Variants in GNAQ observed in about 807,000 individuals in gnomAD.
GNAQ encodes G protein subunit alpha q, also known as guanine nucleotide-binding protein G(q) subunit alpha.
Under a neutral mutation model 43.9 loss-of-function variants are expected in GNAQ, and 8 were observed. The ratio of observed to expected loss-of-function variants is 0.18; its 90% CI spans 0.11 to 0.33. GNAQ has a LOEUF of 0.33. Among genes scored for constraint, GNAQ ranks in the 10% least tolerant of loss-of-function variants. The pLI is 1.00. For synonymous variants in GNAQ, 155 were observed against 170.7 expected (o/e 0.91, Z 0.71); for missense variants, 158 against 450.8 (o/e 0.35, Z 5.88).
At chr9:77,916,902 C>T (rs1433966670) in intron 2 of GNAQ, among the ~76,000 whole-genome samples, 4 of 152,116 alleles carry the variant, frequency 2.6e-5, no homozygotes, top group Non-Finnish European at 4.4e-5. Context: ...GCAAAGAGAG[C>T]AATGGCCTAT....
chr9:77,863,208 AAGGAAGGAAGGG>A (rs1452022059), intron 2 of GNAQ, among the ~76,000 whole-genome samples: 68 of 150,184 alleles, frequency 4.5e-4, no homozygotes, highest in South Asian at 3.2e-3. Context: ...GGAAGGAAGG[AAGGAAGGAAGGG>A]AGGAAGGAAG....
intron 2 of GNAQ, among the ~76,000 whole-genome samples, chr9:77,842,209 C>G (rs1402766431): frequency 5.9e-5 from 9 of 152,142 alleles, no homozygotes; most frequent in African/African-American, 2.2e-4. Flanking sequence ...CTAACCCTAG[C>G]TATTATTAGG....
chr9:77,887,552 G>C (rs927805873), intron 2 of GNAQ, among the ~76,000 whole-genome samples: 6 of 152,174 alleles, frequency 3.9e-5, no homozygotes, highest in African/African-American at 1.2e-4. Context: ...TTGTGTCCAT[G>C]GACATAGGTA....
At chr9:77,916,638 C>T (rs1038696889) in intron 2 of GNAQ, among the ~76,000 whole-genome samples, 3 of 152,038 alleles carry the variant, frequency 2.0e-5, no homozygotes, top group South Asian at 2.1e-4. Context: ...CCATGCTAGG[C>T]GAAAGGGAAA....
At chr9:77,970,292 C>T (rs1479674879) in intron 1 of GNAQ, among the ~76,000 whole-genome samples, 1 of 152,106 alleles carries the variant, frequency 6.6e-6, no homozygotes. Flanking sequence ...TCTACTCTGC[C>T]CCGTGCTCCT....
Position 77,720,884 on chromosome 9 carries a change from G to C in GNAQ, c.*439C>G. ...TCATTTGAGAGAAAAACTTGACCAAGAATGGAACTAGGATAAAGGCCATTG... is the reference window on the plus strand; with the variant it reads ...TCATTTGAGAGAAAAACTTGACCAACAATGGAACTAGGATAAAGGCCATTG... On this transcript the variant is annotated 3_prime_UTR_variant, in exon 7 of 7. Transcript: ENST00000286548. The C allele has an allele frequency of 8.4e-6, 2 of 236,916 alleles. No homozygotes were observed. The highest frequency in any genetic ancestry group is 1.7e-5 in the Non-Finnish European group (2 of 120,412). 14.7% of individuals were successfully genotyped at this position (236,916 alleles called of 1,614,324 possible). A position where few individuals can be genotyped will look rare whatever the true frequency, so the allele number is the denominator to read the frequency against.
chr9:77,860,190 C>T (rs552793567), intron 2 of GNAQ, among the ~76,000 whole-genome samples: 134 of 152,272 alleles, frequency 8.8e-4, no homozygotes, highest in Non-Finnish European at 1.5e-3. Flanking sequence ...CATCTGCAGG[C>T]GGCTGAGTGG....
At chr9:77,881,173 T>C (rs1430155772) in intron 2 of GNAQ, among the ~76,000 whole-genome samples, 1 of 152,108 alleles carries the variant, frequency 6.6e-6, no homozygotes, top group Non-Finnish European at 1.5e-5. Flanking sequence ...ACAAATTATG[T>C]TTACCATTTA....
chr9:77,932,699 A>C (rs1259728461), intron 1 of GNAQ, among the ~76,000 whole-genome samples: 6 of 152,174 alleles, frequency 3.9e-5, no homozygotes. Flanking sequence ...CTACAGTTGC[A>C]ATGGCCAAGT....
intron 3 of GNAQ, among the ~76,000 whole-genome samples, chr9:77,811,368 T>C (rs978655475): frequency 6.6e-6 from 1 of 151,096 alleles, no homozygotes; most frequent in Non-Finnish European, 1.5e-5. Flanking sequence ...TATAAAGATA[T>C]GAAAAAAAGG....
At chr9:77,964,307 A>C (rs1474462729) in intron 1 of GNAQ, among the ~76,000 whole-genome samples, 1 of 152,180 alleles carries the variant, frequency 6.6e-6, no homozygotes, top group East Asian at 1.9e-4. Flanking sequence ...AGAAACGGAC[A>C]AGTCTACGAT....
intron 1 of GNAQ, among the ~76,000 whole-genome samples, chr9:78,012,778 T>C (rs567382105): frequency 6.6e-6 from 1 of 152,294 alleles, no homozygotes; most frequent in East Asian, 1.9e-4. Flanking sequence ...AATGACAATA[T>C]ACTTAAATGA....
chr9:77,915,313 T>TTGTC (rs1464671961), intron 2 of GNAQ, among the ~76,000 whole-genome samples: 2 of 151,400 alleles, frequency 1.3e-5, no homozygotes, highest in Non-Finnish European at 2.9e-5. Flanking sequence ...GTCACATTGT[T>TTGTC]TGTTTTATTC....
intron 1 of GNAQ, among the ~76,000 whole-genome samples, chr9:77,974,729 G>A (rs1428136088): frequency 1.3e-5 from 2 of 152,166 alleles, no homozygotes; most frequent in African/African-American, 4.8e-5. Context: ...AAGACTCTCT[G>A]TAATGAAAAA....
At chr9:77,959,483 T>C (rs1280463591) in intron 1 of GNAQ, among the ~76,000 whole-genome samples, 8 of 152,246 alleles carry the variant, frequency 5.3e-5, no homozygotes, top group Admixed American at 4.6e-4. Flanking sequence ...CAGACTGCCA[T>C]TGCAAGTCAG....
intron 1 of GNAQ, among the ~76,000 whole-genome samples, chr9:78,002,772 C>A (rs1669034152): frequency 6.6e-6 from 1 of 152,164 alleles, no homozygotes; most frequent in African/African-American, 2.4e-5. Context: ...AAATCAAAGA[C>A]ATCCAACTGT....
At chr9:77,859,789 G>A (rs1827814067) in intron 2 of GNAQ, among the ~76,000 whole-genome samples, 1 of 152,204 alleles carries the variant, frequency 6.6e-6, no homozygotes, top group Non-Finnish European at 1.5e-5. Flanking sequence ...ACAGAATGCA[G>A]TAAAATATGA....
chr9:77,773,249 G>A (rs983212559), intron 5 of GNAQ, among the ~76,000 whole-genome samples: 41 of 152,122 alleles, frequency 2.7e-4, no homozygotes, highest in African/African-American at 9.2e-4. Flanking sequence ...CTGGCTGTGA[G>A]GCATAAATGT....
intron 3 of GNAQ, among the ~76,000 whole-genome samples, chr9:77,802,692 A>G (rs1826765531): frequency 6.6e-6 from 1 of 152,170 alleles, no homozygotes; most frequent in Non-Finnish European, 1.5e-5. Flanking sequence ...TGCCAGGCAC[A>G]GGTACATTTC....
Sources: gnomAD v4.1 joint callset for allele counts (sites outside exome capture counted in the v4.1 genomes callset) on GRCh38, gnomAD v4.1.1 for gene constraint, MANE v1.5 for transcripts, NCBI Gene and HGNC (gene_info 2026-07-23, HGNC 2026-07-21) for gene names.